ROBO2: variants seen among roughly 807,000 people sequenced by gnomAD.
The protein encoded by ROBO2 is roundabout guidance receptor 2.
In ROBO2, 53 loss-of-function variants were observed where a neutral mutation model predicts 160.8. The ratio of observed to expected loss-of-function variants is 0.33; its 90% CI spans 0.26 to 0.41. The LOEUF (loss-of-function observed/expected upper bound fraction) is 0.41. Among genes scored for constraint, ROBO2 ranks in the 10% least tolerant of loss-of-function variants. The probability of loss-of-function intolerance (pLI) is 1.00; values close to 1 mark genes in which losing one functional copy is unlikely to be tolerated. For synonymous variants in ROBO2, 664 were observed against 611.7 expected (o/e 1.09, Z -1.26); for missense variants, 1,577 against 1,722.4 (o/e 0.92, Z 1.49).
At chr3:76,273,480 TTTA>T in intron 2 of ROBO2, among the ~76,000 whole-genome samples, 1 of 151,824 alleles carries the variant, frequency 6.6e-6, no homozygotes, top group East Asian at 1.9e-4. Flanking sequence ...AGAAAAGAGG[TTTA>T]ATTGACTCAC....
intron 2 of ROBO2, among the ~76,000 whole-genome samples, chr3:77,465,466 A>G (rs1246865059): frequency 4.6e-5 from 7 of 152,174 alleles, no homozygotes; most frequent in Non-Finnish European, 5.9e-5. Context: ...TAGGAGAAAC[A>G]GGGTAGCCCA....
At chr3:77,550,409 T>C (rs755685675) in intron 7 of ROBO2, among the ~76,000 whole-genome samples, 2 of 152,062 alleles carry the variant, frequency 1.3e-5, no homozygotes, top group African/African-American at 2.4e-5. Flanking sequence ...CTGTGCGGTT[T>C]ATACAACCCA....
intron 2 of ROBO2, among the ~76,000 whole-genome samples, chr3:77,457,410 A>G (rs1232002560): frequency 6.6e-6 from 1 of 152,222 alleles, no homozygotes. Context: ...GCTTAGTGTA[A>G]GTTTAAAATA....
rs543686364 is a variant in ROBO2, at chr3:76,023,701, G to T, written c.109+86099G>T. Among the ~76,000 whole-genome samples the T allele has an allele frequency of 4.0e-5, 6 of 151,460 alleles. No individual in the cohort carries two copies. In the South Asian group the frequency reaches 1.2e-3, roughly 32 times the overall value. ...ATAAATATAACCATAACAATATAAT[G>T]ACAATGAAAAAATCTGAAATATTGT... On this transcript the variant is annotated intron_variant, in intron 2 of 26. Coordinates refer to the ROBO2 transcript ENST00000487694.
chr3:76,338,764 A>ATTTAT (rs2074043965), intron 2 of ROBO2, among the ~76,000 whole-genome samples: 2 of 150,614 alleles, frequency 1.3e-5, no homozygotes, highest in African/African-American at 4.9e-5. Flanking sequence ...TATTAATCAA[A>ATTTAT]TTTATTTTGT....
At chr3:76,176,631 C>T (rs564375993) in intron 2 of ROBO2, among the ~76,000 whole-genome samples, 5 of 152,140 alleles carry the variant, frequency 3.3e-5, no homozygotes, top group African/African-American at 1.2e-4. Flanking sequence ...ATATTAGGTT[C>T]CTCAAAACTC....
chr3:77,103,266 T>G (rs935740331), intron 2 of ROBO2, among the ~76,000 whole-genome samples: 1 of 152,184 alleles, frequency 6.6e-6, no homozygotes, highest in Non-Finnish European at 1.5e-5. Context: ...CATGAAAAAT[T>G]GATGAAGTCC....
intron 2 of ROBO2, among the ~76,000 whole-genome samples, chr3:76,580,573 T>A (rs769076653): frequency 2.0e-5 from 3 of 152,042 alleles, no homozygotes; most frequent in Non-Finnish European, 2.9e-5. Context: ...TAAGAAAGAA[T>A]CTGGGAGAAA....
chr3:76,383,545 T>G (rs1023415841), intron 2 of ROBO2, among the ~76,000 whole-genome samples: 1 of 152,226 alleles, frequency 6.6e-6, no homozygotes, highest in African/African-American at 2.4e-5. Flanking sequence ...AAATAGTGCT[T>G]AAATTACTTG....
intron 2 of ROBO2, among the ~76,000 whole-genome samples, chr3:76,322,761 CA>C (rs1487069497): frequency 6.6e-6 from 1 of 152,130 alleles, no homozygotes; most frequent in East Asian, 1.9e-4. Context: ...CAAGAAGATG[CA>C]TTCTTATATA....
At position 76,338,189 on chromosome 3, in the gene ROBO2, T is replaced by A. The variant is rs568738981; in HGVS notation, c.109+400587T>A. Among the ~76,000 whole-genome samples the A allele has an allele frequency of 6.6e-5, 10 of 152,230 alleles. No individual in the cohort carries two copies. The East Asian group carries it at 1.9e-3, about 29-fold the overall frequency. ...ATTAGTAAACTTTACATACCCAACTTTACATACCCACTGGATCAAATGGAG... is the reference window on the plus strand; with the variant it reads ...ATTAGTAAACTTTACATACCCAACTATACATACCCACTGGATCAAATGGAG... On this transcript the variant is annotated intron_variant, in intron 2 of 26. Coordinates refer to the ROBO2 transcript ENST00000487694.
chr3:77,282,857 T>C (rs1242579987), intron 2 of ROBO2, among the ~76,000 whole-genome samples: 1 of 151,950 alleles, frequency 6.6e-6, no homozygotes, highest in Non-Finnish European at 1.5e-5. Flanking sequence ...AGTGAACGCT[T>C]TACTAGCATA....
chr3:76,788,121 T>G (rs113816304), intron 2 of ROBO2, among the ~76,000 whole-genome samples: 1,541 of 150,786 alleles, frequency 0.01, 22 homozygotes, highest in African/African-American at 0.035. Flanking sequence ...AGAAGGGAAA[T>G]AATAAAAAAG....
At chr3:77,563,641 G>C (rs1559621457) in intron 11 of ROBO2, among the ~76,000 whole-genome samples, 1 of 152,208 alleles carries the variant, frequency 6.6e-6, no homozygotes, top group East Asian at 1.9e-4. Flanking sequence ...TCTGAACTGG[G>C]TAGAAAATAT....
chr3:77,103,391 T>C (rs1447692571), intron 2 of ROBO2, among the ~76,000 whole-genome samples: 2 of 146,332 alleles, frequency 1.4e-5, no homozygotes, highest in Non-Finnish European at 3.0e-5. Flanking sequence ...AGGTCAGGGG[T>C]CACATAGAAA....
At chr3:77,244,877 CA>C (rs372239209) in intron 2 of ROBO2, among the ~76,000 whole-genome samples, 168 of 109,448 alleles carry the variant, frequency 1.5e-3, no homozygotes, top group African/African-American at 3.8e-3. Flanking sequence ...AACTTAGTCT[CA>C]AAAAAAAAAA....
chr3:76,241,127 C>A (rs902360511), intron 2 of ROBO2, among the ~76,000 whole-genome samples: 3 of 152,154 alleles, frequency 2.0e-5, no homozygotes, highest in Non-Finnish European at 2.9e-5. Context: ...CTCTTGGTAG[C>A]GTGGTTATCT....
chr3:76,694,352 A>C (rs1023762503), intron 2 of ROBO2, among the ~76,000 whole-genome samples: 2 of 152,232 alleles, frequency 1.3e-5, no homozygotes, highest in African/African-American at 4.8e-5. Context: ...GTTGTACTCT[A>C]TCACTTCCTA....
chr3:76,250,684 T>C (rs1705937825), intron 2 of ROBO2, among the ~76,000 whole-genome samples: 1 of 152,080 alleles, frequency 6.6e-6, no homozygotes, highest in African/African-American at 2.4e-5. Context: ...TGTTGACATA[T>C]CTGGTAAAGC....
Sources: allele counts gnomAD v4.1 joint callset (sites outside exome capture counted in the v4.1 genomes callset), GRCh38; gene constraint gnomAD v4.1.1; transcripts MANE v1.5; gene names NCBI Gene and HGNC (gene_info 2026-07-23, HGNC 2026-07-21).